The following COP1 variants were observed in gnomAD, a reference collection of about 807,000 sequenced individuals.
COP1 encodes E3 ubiquitin-protein ligase COP1.
COP1 carries 24 observed loss-of-function variants against 101.3 expected under a neutral mutation model. That is an observed-to-expected ratio of 0.24 (90% CI 0.17 to 0.33). The LOEUF (loss-of-function observed/expected upper bound fraction) is 0.33. Ranked by LOEUF, COP1 falls within the 10% of genes least tolerant of loss-of-function variation. The probability of loss-of-function intolerance (pLI) is 1.00; values close to 1 mark genes in which losing one functional copy is unlikely to be tolerated. For missense variants in COP1, 663 were observed against 906.2 expected, an observed-to-expected ratio of 0.73 and a Z score of 3.45; for synonymous variants, 347 against 341.9, an observed-to-expected ratio of 1.01 and a Z score of -0.17.
intron 18 of COP1, among the ~76,000 whole-genome samples, chr1:175,966,469 T>C (rs2148567390): frequency 6.6e-6 from 1 of 152,346 alleles, no homozygotes; most frequent in Admixed American, 6.5e-5. Context: ...AGAGTAAACA[T>C]AGTCTTAGAC....
chr1:175,946,290 A>G (rs553739463), intron 19 of COP1, among the ~76,000 whole-genome samples: 1 of 152,326 alleles, frequency 6.6e-6, no homozygotes, highest in African/African-American at 2.4e-5. Context: ...GGAGACTACC[A>G]TGTAAATTAG....
intron 5 of COP1, among the ~76,000 whole-genome samples, chr1:176,149,477 TA>T: frequency 6.6e-6 from 1 of 152,228 alleles, no homozygotes; most frequent in Non-Finnish European, 1.5e-5. Context: ...TTTGCAGAGG[TA>T]AGTGTAATAA....
intron 11 of COP1, among the ~76,000 whole-genome samples, chr1:176,060,227 A>G (rs1034611889): frequency 8.5e-5 from 13 of 152,328 alleles, no homozygotes; most frequent in African/African-American, 3.1e-4. Flanking sequence ...GCTAAAACAA[A>G]TAAATACACT....
intron 8 of COP1, among the ~76,000 whole-genome samples, chr1:176,128,045 G>A (rs1348820704): frequency 2.0e-5 from 3 of 151,876 alleles, no homozygotes; most frequent in Non-Finnish European, 4.4e-5. Context: ...AGAAATACCT[G>A]TTCAAGTCCT....
rs369887649 is a variant in COP1 at position 176,028,696 on chromosome 1, CATATATATATATATATATATAT to C, written c.1613-1030_1613-1009del. On this transcript the variant is annotated intron_variant, in intron 14 of 19. Coordinates refer to ENST00000367669, the MANE Select transcript of COP1 (RefSeq NM_022457.7). ...CTGGAGCTAGGTGGTATATTTGTTT[CATATATATATATATATATATAT>C]ATATATATAGTTTTATATATATTAT... 3.3e-4 allele frequency among the ~76,000 whole-genome samples: 16 copies of C among 47,906 alleles called. 1 individual carries two copies. Among genetic ancestry groups the C allele is most frequent in the Non-Finnish European group, 4.4e-4 (11 of 24,832 alleles). 31.4% of individuals were successfully genotyped at this position (47,906 alleles called of 152,430 possible).
Position 176,027,460 on chromosome 1 carries a change from T to C in COP1, c.1729+112A>G, listed in dbSNP as rs577606204. The C allele has an allele frequency of 1.8e-4, 133 of 720,670 alleles. No homozygotes were observed. In the African/African-American group the frequency reaches 2.3e-3, roughly 12 times the overall value. 44.6% of individuals were successfully genotyped at this position (720,670 alleles called of 1,614,324 possible). On this transcript the variant is annotated intron_variant, in intron 15 of 19. Coordinates refer to ENST00000367669, the MANE Select transcript of COP1 (RefSeq NM_022457.7). The stretch of plus-strand genomic sequence containing the variant: ...ATACTTCTAATTTAGAGCCTAATAA[T>C]AAAAACAACATTTAAACCTACAAAA...
chr1:175,998,591 T>C (rs1012178296), intron 15 of COP1, among the ~76,000 whole-genome samples: 1 of 152,006 alleles, frequency 6.6e-6, no homozygotes. Context: ...AATCTGTATA[T>C]AGCATTTCAG....
chr1:176,109,506 T>C (rs568382034), intron 9 of COP1, among the ~76,000 whole-genome samples: 12 of 152,300 alleles, frequency 7.9e-5, no homozygotes, highest in South Asian at 6.2e-4. Context: ...ATTTTAATAG[T>C]TGATGAGGTA....
intron 9 of COP1, among the ~76,000 whole-genome samples, chr1:176,087,432 A>G (rs1680427194): frequency 6.6e-6 from 1 of 152,212 alleles, no homozygotes; most frequent in Non-Finnish European, 1.5e-5. Flanking sequence ...ACCCCATCAA[A>G]AAGTGGGAGA....
intron 8 of COP1, chr1:176,134,030 A>T: frequency 2.8e-6 from 1 of 356,468 alleles, no homozygotes; most frequent in East Asian, 7.3e-5. Context: ...AGGATTCTCC[A>T]TACTATAATT....
chr1:176,054,475 T>C (rs1673113437), intron 11 of COP1, among the ~76,000 whole-genome samples: 1 of 152,264 alleles, frequency 6.6e-6, no homozygotes, highest in African/African-American at 2.4e-5. Flanking sequence ...TTACTCTGTT[T>C]TTAAGTTTAC....
intron 3 of COP1, chr1:176,168,690 G>T (rs191311594): frequency 0.011 from 3,608 of 317,970 alleles, 73 homozygotes; most frequent in Admixed American, 0.05. Flanking sequence ...AGGATCAGGA[G>T]AGGGAAAGAG....
At chr1:176,042,554 A>C (rs1205821500) in intron 14 of COP1, among the ~76,000 whole-genome samples, 2 of 131,832 alleles carry the variant, frequency 1.5e-5, no homozygotes, top group Admixed American at 7.7e-5. Flanking sequence ...CAGAGCGAGA[A>C]TCCGTCTCAA....
At chr1:176,166,550 T>G (rs1242694046) in intron 3 of COP1, among the ~76,000 whole-genome samples, 1 of 152,254 alleles carries the variant, frequency 6.6e-6, no homozygotes, top group East Asian at 1.9e-4. Context: ...TAAAGACATT[T>G]AAATTCTACA....
At chr1:175,970,761 T>C (rs1388879154) in intron 18 of COP1, among the ~76,000 whole-genome samples, 8 of 152,158 alleles carry the variant, frequency 5.3e-5, no homozygotes, top group Non-Finnish European at 1.2e-4. Flanking sequence ...AACTAACAAG[T>C]TCAGGTAATA....
chr1:176,106,739 A>G (rs1204923694), intron 9 of COP1, among the ~76,000 whole-genome samples: 1 of 152,094 alleles, frequency 6.6e-6, no homozygotes, highest in African/African-American at 2.4e-5. Context: ...CTTATCCCCA[A>G]ATGCTCGGGG....
At chr1:176,003,666 C>T (rs1281018435) in intron 15 of COP1, among the ~76,000 whole-genome samples, 21 of 152,122 alleles carry the variant, frequency 1.4e-4, no homozygotes, top group South Asian at 2.1e-4. Context: ...GTTGTAGATA[C>T]GTGGCGTTAT....
intron 12 of COP1, among the ~76,000 whole-genome samples, chr1:176,044,522 T>C (rs1671177265): frequency 6.6e-6 from 1 of 152,220 alleles, no homozygotes; most frequent in Non-Finnish European, 1.5e-5. Flanking sequence ...TCTTTTGCTT[T>C]CTACTAGTTG....
At chr1:175,946,111 G>C (rs1649137179) in intron 19 of COP1, among the ~76,000 whole-genome samples, 1 of 152,138 alleles carries the variant, frequency 6.6e-6, no homozygotes, top group African/African-American at 2.4e-5. Context: ...GAGAGACTGA[G>C]AGAGTATAGA....
Sources: gnomAD v4.1 joint callset for allele counts (sites outside exome capture counted in the v4.1 genomes callset) on GRCh38, gnomAD v4.1.1 for gene constraint, MANE v1.5 for transcripts, NCBI Gene and HGNC (gene_info 2026-07-23, HGNC 2026-07-21) for gene names.